The following MAGI2 variants were observed in gnomAD, a reference collection of about 807,000 sequenced individuals.
MAGI2 encodes the protein membrane-associated guanylate kinase, WW and PDZ domain-containing protein 2.
Under a neutral mutation model 133.3 loss-of-function variants are expected in MAGI2, and 35 were observed. That is an observed-to-expected ratio of 0.26 (90% confidence interval 0.20 to 0.35). MAGI2 has a LOEUF of 0.35. Among genes scored for constraint, MAGI2 ranks in the 10% least tolerant of loss-of-function variants. The pLI is 1.00. For missense variants in MAGI2, 1,636 were observed against 1,863.4 expected (o/e 0.88, Z 2.25); for synonymous variants, 729 against 710.6 (o/e 1.03, Z -0.41).
chr7:78,470,207 A>G (rs1396817500), intron 6 of MAGI2, among the ~76,000 whole-genome samples: 2 of 152,118 alleles, frequency 1.3e-5, no homozygotes, highest in African/African-American at 2.4e-5. Flanking sequence ...CCCAAACACA[A>G]CTGAACTTAG....
At chr7:78,931,948 G>A (rs1800154860) in intron 2 of MAGI2, among the ~76,000 whole-genome samples, 1 of 150,732 alleles carries the variant, frequency 6.6e-6, no homozygotes, top group East Asian at 1.9e-4. Context: ...TGTCATAAGT[G>A]GAAAATTCCA....
rs569447416 is a variant in MAGI2, at chr7:78,086,708, C to T, written c.3568-7623G>A. On this transcript the variant is annotated intron_variant, in intron 20 of 21. Coordinates refer to ENST00000354212, the MANE Select transcript of MAGI2 (RefSeq NM_012301.4). ...GGAGTGTAGTGGCGTGACCTCGGCT[C>T]GCTGCAACATTGACCTCCCAGGTTC... is the stretch of plus-strand genomic sequence containing the variant. Among the ~76,000 whole-genome samples, 9 of 151,516 alleles carry T rather than the reference C, an allele frequency of 5.9e-5. No individual in the cohort carries two copies. The South Asian group carries it at 6.3e-4, about 11-fold the overall frequency.
chr7:79,391,066 T>A (rs1844566604), intron 1 of MAGI2, among the ~76,000 whole-genome samples: 2 of 152,314 alleles, frequency 1.3e-5, no homozygotes, highest in Admixed American at 1.3e-4. Flanking sequence ...ATTAATACTC[T>A]ATCCCAGGGC....
chr7:78,259,213 T>G (rs1186587622), intron 9 of MAGI2, among the ~76,000 whole-genome samples: 1 of 152,140 alleles, frequency 6.6e-6, no homozygotes, highest in Non-Finnish European at 1.5e-5. Flanking sequence ...TTTTAACTCA[T>G]TGACTATTTT....
chr7:78,729,590 A>G (rs1015579258), intron 2 of MAGI2, among the ~76,000 whole-genome samples: 9 of 152,218 alleles, frequency 5.9e-5, no homozygotes, highest in Admixed American at 2.0e-4. Context: ...CTAGGTGCTA[A>G]GGATACAGTG....
intron 6 of MAGI2, among the ~76,000 whole-genome samples, chr7:78,381,853 A>G (rs1331580382): frequency 6.6e-6 from 1 of 152,206 alleles, no homozygotes; most frequent in East Asian, 1.9e-4. Flanking sequence ...TGGATGGACA[A>G]TGTGGTACAA....
chr7:79,247,746 T>C (rs1259257202), intron 1 of MAGI2, among the ~76,000 whole-genome samples: 1 of 152,172 alleles, frequency 6.6e-6, no homozygotes, highest in Non-Finnish European at 1.5e-5. Context: ...TTTTTATTAG[T>C]TTTCTCTTTG....
At position 79,359,669 on chromosome 7, in the gene MAGI2, A is replaced by AACACACACACACAC. The variant is rs59414419; in HGVS notation, c.301+93337_301+93350dup. On this transcript the variant is annotated intron_variant, in intron 1 of 21. Coordinates refer to ENST00000354212, the MANE Select transcript of MAGI2 (RefSeq NM_012301.4). ...ACCAAAAGGAAATGCTCAAGTGGGA[A>AACACACACACACAC]ACACACACACACACACACACACACA... Among the ~76,000 whole-genome samples the AACACACACACACAC allele has an allele frequency of 5.7e-5, 8 of 140,118 alleles. No individual in the cohort carries two copies. The South Asian group carries it at 1.4e-3, about 24-fold the overall frequency. 91.9% of individuals were successfully genotyped at this position (140,118 alleles called of 152,430 possible). A position where few individuals can be genotyped will look rare whatever the true frequency, so the allele number is the denominator to read the frequency against.
chr7:78,077,416 A>T (rs902523406), intron 21 of MAGI2, among the ~76,000 whole-genome samples: 1 of 150,426 alleles, frequency 6.6e-6, no homozygotes, highest in Non-Finnish European at 1.5e-5. Flanking sequence ...ATATATATAT[A>T]TATTTAAAAA....
chr7:78,573,524 C>T (rs948557384), intron 3 of MAGI2, among the ~76,000 whole-genome samples: 1 of 144,286 alleles, frequency 6.9e-6, no homozygotes, highest in Admixed American at 7.2e-5. Flanking sequence ...TCAAAAATAG[C>T]AGCCTTTCGG....
chr7:78,593,370 C>T (rs146142459), intron 3 of MAGI2, among the ~76,000 whole-genome samples: 3 of 151,884 alleles, frequency 2.0e-5, no homozygotes, highest in East Asian at 2.0e-4. Context: ...CCAGCCTGGG[C>T]GACAGAGCGA....
At chr7:79,067,131 C>A (rs113613659) in intron 1 of MAGI2, among the ~76,000 whole-genome samples, 5,096 of 152,170 alleles carry the variant, frequency 0.033, 187 homozygotes, top group African/African-American at 0.083. Context: ...GTAGTTTTAT[C>A]CAATTCTGTG....
intron 9 of MAGI2, among the ~76,000 whole-genome samples, chr7:78,322,720 T>G (rs907362558): frequency 6.6e-5 from 10 of 152,084 alleles, no homozygotes; most frequent in African/African-American, 2.4e-4. Context: ...GTAACAAACC[T>G]GCACGTTCTG....
intron 21 of MAGI2, among the ~76,000 whole-genome samples, chr7:78,070,570 G>A (rs997969681): frequency 4.7e-4 from 33 of 69,486 alleles, no homozygotes; most frequent in Middle Eastern, 6.7e-3. Context: ...GTATATATAT[G>A]TGTGTATATA....
chr7:79,451,381 G>A (rs1038352488), intron 1 of MAGI2, among the ~76,000 whole-genome samples: 2 of 152,124 alleles, frequency 1.3e-5, no homozygotes, highest in African/African-American at 2.4e-5. Context: ...CCTATAAGGT[G>A]GTATTTTGAC....
chr7:78,466,217 C>T (rs559345024), intron 6 of MAGI2, among the ~76,000 whole-genome samples: 1 of 152,320 alleles, frequency 6.6e-6, no homozygotes, highest in African/African-American at 2.4e-5. Flanking sequence ...TTCCGATCTG[C>T]TATTTGCTCA....
At chr7:78,594,719 G>A (rs1408843287) in intron 3 of MAGI2, among the ~76,000 whole-genome samples, 1 of 152,160 alleles carries the variant, frequency 6.6e-6, no homozygotes, top group East Asian at 1.9e-4. Flanking sequence ...GCCTCCCAAA[G>A]TGTTGGGATT....
At chr7:78,453,052 G>T (rs1430613777) in intron 6 of MAGI2, among the ~76,000 whole-genome samples, 1 of 151,922 alleles carries the variant, frequency 6.6e-6, no homozygotes, top group Non-Finnish European at 1.5e-5. Flanking sequence ...AATGTTAATA[G>T]CCTCTTTCCT....
intron 7 of MAGI2, among the ~76,000 whole-genome samples, chr7:78,363,031 G>A (rs1489631630): frequency 6.6e-6 from 1 of 152,104 alleles, no homozygotes; most frequent in African/African-American, 2.4e-5. Context: ...AATAAAAGTA[G>A]AAGTTAAAAT....
Sources: gnomAD v4.1 joint callset for allele counts (sites outside exome capture counted in the v4.1 genomes callset) on GRCh38, gnomAD v4.1.1 for gene constraint, MANE v1.5 for transcripts, NCBI Gene and HGNC (gene_info 2026-07-23, HGNC 2026-07-21) for gene names.